The following VPS52 variants were observed in gnomAD, a reference collection of about 807,000 sequenced individuals.
VPS52 encodes VPS52 subunit of GARP complex, also known as vacuolar protein sorting-associated protein 52 homolog.
A neutral mutation model predicts 98.7 loss-of-function variants in VPS52; 56 were observed. The observed-to-expected ratio is 0.57, with a 90% confidence interval of 0.46 to 0.71. The LOEUF is 0.71. VPS52 is among the 30% of genes least tolerant of loss of function. The pLI is 0.00. For missense variants in VPS52, 742 were observed against 925.9 expected, an observed-to-expected ratio of 0.80 and a Z score of 2.58; for synonymous variants, 348 against 346.4, an observed-to-expected ratio of 1.00 and a Z score of -0.05.
At position 33,271,632 on chromosome 6, in the gene VPS52, AC is replaced by A. The variant is rs750831951; in HGVS notation, c.43del (p.Val15CysfsTer55). 1 of 1,611,062 alleles carries A rather than the reference AC, an allele frequency of 6.2e-7. No individual in the cohort carries two copies. Among genetic ancestry groups the A allele is most frequent in the Non-Finnish European group, 8.5e-7 (1 of 1,178,608 alleles). ...ATMAAAARELVLRAGTSDMEE... is the reference protein window; with the variant it reads ...ATMAAAARELXLRAGTSDMEE... ...CATATCTGAGGTCCCAGCCCGCAAC[AC>A]CAGTTCCCGGGCCGCAGCCGCCATG... On this transcript the variant is annotated frameshift_variant, in exon 1 of 20. Coordinates refer to ENST00000445902, the MANE Select transcript of VPS52 (RefSeq NM_022553.6). LOFTEE classifies it high-confidence loss of function.
rs750569619 is a variant in VPS52 at position 33,263,263 on chromosome 6, C to CAAA, written c.1794+218_1794+220dup. On this transcript the variant is annotated intron_variant, in intron 17 of 19. Coordinates refer to ENST00000445902, the MANE Select transcript of VPS52 (RefSeq NM_022553.6). Reference sequence around the variant, plus strand: ...TGGGTGACAGAGTGACACTTTGCCTCAAAAAAAAAAAAAAAAAAAAACCAA... The same window carrying CAAA: ...TGGGTGACAGAGTGACACTTTGCCTCAAAAAAAAAAAAAAAAAAAAAAAACCAA... Among the ~76,000 whole-genome samples the CAAA allele has an allele frequency of 4.8e-3, 214 of 44,412 alleles. 4 individuals are homozygous for CAAA. The highest frequency in any genetic ancestry group is 0.016 in the African/African-American group (205 of 12,840). 29.1% of individuals were successfully genotyped at this position (44,412 alleles called of 152,430 possible).
chr6:33,267,769 C>A lies in VPS52; in HGVS notation c.934-30G>T, dbSNP rs910555520. ...GGAAAGAGAAAAGAGAACTGATAAC[C>A]GTCTCTTCCCACAACACAATAAAAT... On this transcript the variant is annotated intron_variant, in intron 9 of 19. Transcript: ENST00000445902. This position sits in a 1 kb window ranked among gnomAD's most constrained non-coding sequence, Gnocchi z 4.2. 9 of 1,612,774 alleles carry A rather than the reference C, an allele frequency of 5.6e-6. No homozygotes were observed. The African/African-American group carries it at 1.2e-4, about 22-fold the overall frequency.
At chr6:33,258,133 AT>A (rs1444147028) in intron 17 of VPS52, among the ~76,000 whole-genome samples, 5 of 152,160 alleles carry the variant, frequency 3.3e-5, no homozygotes, top group African/African-American at 1.2e-4. Context: ...CATGCCTGTA[AT>A]CCCAGCATTT....
Position 33,267,059 on chromosome 6 carries a change from A to C in VPS52, c.1125+129T>G. The C allele has an allele frequency of 1.5e-6, 2 of 1,303,276 alleles. No individual in the cohort carries two copies. Among genetic ancestry groups the C allele is most frequent in the South Asian group, 2.1e-5 (1 of 47,566 alleles). The allele number at this position is 1,303,276 out of a possible 1,614,324, so 80.7% of individuals were successfully genotyped here. A position where few individuals can be genotyped will look rare whatever the true frequency, so the allele number is the denominator to read the frequency against. On this transcript the variant is annotated intron_variant, in intron 11 of 19. Coordinates refer to ENST00000445902, the MANE Select transcript of VPS52 (RefSeq NM_022553.6). This position sits in a 1 kb window ranked among gnomAD's most constrained non-coding sequence, Gnocchi z 4.2. ...CACAGCAGGCTGGAGTGATTGGAGAAGGCCACTCCCAAGTCTAAGGGGATT... is the reference window on the plus strand; with the variant it reads ...CACAGCAGGCTGGAGTGATTGGAGACGGCCACTCCCAAGTCTAAGGGGATT...
At chr6:33,257,889 C>A (rs936232949) in intron 17 of VPS52, among the ~76,000 whole-genome samples, 3 of 152,110 alleles carry the variant, frequency 2.0e-5, no homozygotes, top group Admixed American at 6.6e-5. Context: ...ATGGCACACA[C>A]CTGTAGTCCT....
intron 14 of VPS52, 53 bp downstream of exon 14, chr6:33,264,321 A>G: frequency 6.2e-7 from 1 of 1,602,092 alleles, no homozygotes; most frequent in South Asian, 1.1e-5. Context: ...CCCCACAATG[A>G]TGCTTAGAGC....
Position 33,267,799 on chromosome 6 carries a change from C to T in VPS52, c.934-60G>A. The T allele has an allele frequency of 5.0e-6, 8 of 1,612,864 alleles. No individual in the cohort carries two copies. The highest frequency in any genetic ancestry group is 1.3e-5 in the African/African-American group (1 of 75,004). On this transcript the variant is annotated intron_variant, in intron 9 of 19. Coordinates refer to ENST00000445902, the MANE Select transcript of VPS52 (RefSeq NM_022553.6). The surrounding 1 kb of genome is among the most constrained non-coding windows in gnomAD (Gnocchi z 4.2). ...CTTCCCACAACACAATAAAATATTCCTTGCCCAGGGATGTCCCCTCCTCCC... is the reference window on the plus strand; with the variant it reads ...CTTCCCACAACACAATAAAATATTCTTTGCCCAGGGATGTCCCCTCCTCCC...
chr6:33,269,435 A>G, intron 5 of VPS52, 55 bp downstream of exon 5: 4 of 1,608,296 alleles, frequency 2.5e-6, no homozygotes, highest in Non-Finnish European at 3.4e-6. Flanking sequence ...ATGGCACCAG[A>G]GTCCATGATC....
intron 16 of VPS52, 41 bp from the exon 17 acceptor site, chr6:33,263,590 A>G: frequency 6.2e-7 from 1 of 1,613,046 alleles, no homozygotes; most frequent in Non-Finnish European, 8.5e-7. Flanking sequence ...TGGGGAAAGC[A>G]GTCCTTCACT....
chr6:33,263,791 A>G lies in VPS52; in HGVS notation c.1709T>C (p.Met570Thr), dbSNP rs1763949356. ...QLVFLINNYD[M>T]MLGVLMERAA... ...TATTACCATCAGCACACCCAGCATC[A>G]TGTCATAGTTGTTGATCAGAAACAC... is the stretch of plus-strand genomic sequence containing the variant. The change falls in exon 16 of 20, where the codon ATG becomes ACG. Residue 570 changes from methionine to threonine, a missense_variant. This residue lies in a region of VPS52 where 590 missense variants were observed against 793.3 expected (regional missense o/e 0.74). Transcript: ENST00000445902. 2 of 1,614,194 alleles carry G rather than the reference A, an allele frequency of 1.2e-6. No homozygotes were observed. Among genetic ancestry groups the G allele is most frequent in the Middle Eastern group, 1.6e-4 (1 of 6,062 alleles).
At chr6:33,266,746 G>A (rs1027426612) in intron 11 of VPS52, 34 bp from the exon 12 acceptor site, 2 of 1,578,978 alleles carry the variant, frequency 1.3e-6, no homozygotes, top group African/African-American at 1.4e-5. Context: ...AAAAACAGAA[G>A]GGATGGACCC....
At position 33,268,065 on chromosome 6, in the gene VPS52, A is replaced by G. The variant is rs745361585; in HGVS notation, c.800+43T>C. The stretch of plus-strand genomic sequence containing the variant: ...ACCAGATGCCCACACTAGGCCGCTC[A>G]AAAACTCAAAGGCCATCCCATGCAC... On this transcript the variant is annotated intron_variant, in intron 8 of 19. Coordinates refer to ENST00000445902, the MANE Select transcript of VPS52 (RefSeq NM_022553.6). This position sits in a 1 kb window ranked among gnomAD's most constrained non-coding sequence, Gnocchi z 4.0. 1 of 1,613,036 alleles carries G rather than the reference A, an allele frequency of 6.2e-7. No individual in the cohort carries two copies. Among genetic ancestry groups the G allele is most frequent in the Non-Finnish European group, 8.5e-7 (1 of 1,179,978 alleles).
At position 33,250,996 on chromosome 6, in the gene VPS52, A is replaced by G; in HGVS notation, c.2026-9T>C. ...AGCTGGGTCAGCGCTCCCTGGTCAA[A>G]GAAAGTCATTGAGGGATCAAACCGT... On this transcript the variant is annotated splice_polypyrimidine_tract_variant and intron_variant, in intron 19 of 19. Transcript: ENST00000445902. The G allele has an allele frequency of 6.2e-7, 1 of 1,613,060 alleles. No homozygotes were observed. The highest frequency in any genetic ancestry group is 2.2e-5 in the East Asian group (1 of 44,892).
At chr6:33,255,509 G>A (rs577731530) in intron 17 of VPS52, among the ~76,000 whole-genome samples, 16 of 144,938 alleles carry the variant, frequency 1.1e-4, no homozygotes, top group African/African-American at 3.1e-4. Flanking sequence ...GGTCTTAGCC[G>A]GGCATGGTGG....
In VPS52 at chr6:33,267,855, C is replaced by T; in HGVS notation, c.933+10G>A. ...ATGTGCCCAGGAATACCTCTCCCTC[C>T]TGACCTTACCTGCACCTTCATGAGC... On this transcript the variant is annotated intron_variant, in intron 9 of 19. Coordinates refer to ENST00000445902, the MANE Select transcript of VPS52 (RefSeq NM_022553.6). This position sits in a 1 kb window ranked among gnomAD's most constrained non-coding sequence, Gnocchi z 4.2. The T allele has an allele frequency of 6.2e-7, 1 of 1,613,106 alleles. No homozygotes were observed. Among genetic ancestry groups the T allele is most frequent in the Non-Finnish European group, 8.5e-7 (1 of 1,180,040 alleles).
Position 33,269,188 on chromosome 6 carries a change from C to A in VPS52, c.374G>T (p.Arg125Leu), listed in dbSNP as rs370857138. The A allele has an allele frequency of 2.4e-5, 38 of 1,613,016 alleles. No homozygotes were observed. In the Admixed American group the frequency reaches 3.5e-4, roughly 15 times the overall value. The change falls in exon 6 of 20, where the codon CGA (arginine) becomes CTA (leucine). Residue 125 changes from arginine (R) to leucine (L), a missense_variant and splice_region_variant. Transcript: ENST00000445902. The part of the protein sequence containing the change: ...QITACDAVLE[R>L]MEQMLGAFQS... ...AAAAGCTCCCAACATCTGCTCCATT[C>A]GCTGTAGGGAGGGTAGATGTTGCCG...
chr6:33,268,409 C>T lies in VPS52; in HGVS notation c.699+90G>A, dbSNP rs1419476138. 3.1e-5 allele frequency: 47 copies of T among 1,494,120 alleles called. No individual in the cohort carries two copies. The Admixed American group carries it at 9.5e-4, about 30-fold the overall frequency. The allele number at this position is 1,494,120 out of a possible 1,614,324, so 92.6% of individuals were successfully genotyped here. On this transcript the variant is annotated intron_variant, in intron 7 of 19. Transcript: ENST00000445902. The surrounding 1 kb of genome is among the most constrained non-coding windows in gnomAD (Gnocchi z 4.0). Reference sequence around the variant, plus strand: ...GCAGGGTGAAGTCCCTGGAGACAGGCTACAGTGAGCTCTGCCAAGGAAATC... The same window carrying T: ...GCAGGGTGAAGTCCCTGGAGACAGGTTACAGTGAGCTCTGCCAAGGAAATC...
At chr6:33,263,007 T>C (rs1160282705) in intron 17 of VPS52, among the ~76,000 whole-genome samples, 3 of 152,112 alleles carry the variant, frequency 2.0e-5, no homozygotes, top group East Asian at 1.9e-4. Flanking sequence ...ATAACTTAAT[T>C]GTACATTTTA....
chr6:33,268,176 C>T lies in VPS52; in HGVS notation c.732G>A (p.Gln244=), dbSNP rs764459959. Residue 244 remains glutamine (Q), a synonymous_variant, in exon 8 of 20, where the codon CAG becomes CAA. Transcript: ENST00000445902. This position sits in a 1 kb window ranked among gnomAD's most constrained non-coding sequence, Gnocchi z 4.0. ...AVTKIREFIL[Q]KIYSFRKPMT... ...TGGGTTTCCTGAAGGAATAAATCTT[C>T]TGGAGGATAAACTCTCGGATCTTCG... The T allele has an allele frequency of 6.2e-7, 1 of 1,613,100 alleles. No homozygotes were observed. The highest frequency in any genetic ancestry group is 8.5e-7 in the Non-Finnish European group (1 of 1,180,036).
Sources: allele counts gnomAD v4.1 joint callset (sites outside exome capture counted in the v4.1 genomes callset), GRCh38; gene constraint gnomAD v4.1.1; regional missense constraint gnomAD v4.1.1; non-coding constraint Gnocchi (gnomAD v3.1); transcripts MANE v1.5; gene names NCBI Gene and HGNC (gene_info 2026-07-23, HGNC 2026-07-21).